TTLL8: variants seen among roughly 807,000 people sequenced by gnomAD.
TTLL8 encodes tubulin tyrosine ligase like 8, also known as protein monoglycylase TTLL8.
In TTLL8, 65 loss-of-function variants were observed where a neutral mutation model predicts 77.8. That is an observed-to-expected ratio of 0.84 (90% CI 0.68 to 1.03). TTLL8 has a LOEUF of 1.03. Among genes scored for constraint, TTLL8 ranks in the 50% least tolerant of loss-of-function variants. The pLI is 0.00. For synonymous variants in TTLL8, 402 were observed against 422.8 expected (o/e 0.95, Z 0.60); for missense variants, 910 against 1,004.5 (o/e 0.91, Z 1.27).
intron 12 of TTLL8, among the ~76,000 whole-genome samples, chr22:50,023,406 T>C (rs2061215176): frequency 6.6e-6 from 1 of 152,156 alleles, no homozygotes; most frequent in South Asian, 2.1e-4. Context: ...AACATGAGGC[T>C]GGGCACGGTG....
chr22:50,023,093 G>A (rs188458340), intron 12 of TTLL8, among the ~76,000 whole-genome samples: 13 of 152,068 alleles, frequency 8.5e-5, no homozygotes, highest in African/African-American at 1.4e-4. Context: ...AGGGCATTTC[G>A]CACATTTTAG....
Position 50,031,026 on chromosome 22 carries a change from C to T in TTLL8, c.1708-101G>A, listed in dbSNP as rs921700014. On this transcript the variant is annotated intron_variant, in intron 11 of 13. Transcript: ENST00000266182. ...GGAGGGGCTGGTCGGGGCACAGACC[C>T]CCACCTGACTCAGGAGTGAACAGTG... The T allele has an allele frequency of 2.8e-6, 3 of 1,085,194 alleles. No homozygotes were observed. The Admixed American group carries it at 1.0e-4, about 37-fold the overall frequency. 67.2% of individuals were successfully genotyped at this position (1,085,194 alleles called of 1,614,324 possible). A position where few individuals can be genotyped will look rare whatever the true frequency, so the allele number is the denominator to read the frequency against.
At chr22:50,057,556 G>GA (rs1401276358), upstream of TTLL8, among the ~76,000 whole-genome samples, 2 of 101,034 alleles carry the variant, frequency 2.0e-5, no homozygotes, top group African/African-American at 9.6e-5. Flanking sequence ...TGGGTTGGGG[G>GA]TCAGGTCTGG....
At chr22:50,046,025 C>T (rs896825700) in intron 4 of TTLL8, 55 bp from the exon 7 acceptor site, 9 of 1,297,910 alleles carry the variant, frequency 6.9e-6, no homozygotes, top group African/African-American at 1.5e-5. Context: ...AGCTCTGCCT[C>T]GCTCACAAGG....
intron 9 of TTLL8, among the ~76,000 whole-genome samples, chr22:50,033,725 C>A (rs563059477): frequency 6.6e-6 from 1 of 152,322 alleles, no homozygotes; most frequent in Admixed American, 6.5e-5. Flanking sequence ...GGGGCAGGGA[C>A]AGAGACACTT....
intron 12 of TTLL8, among the ~76,000 whole-genome samples, chr22:50,029,330 C>CA (rs2061264371): frequency 3.4e-5 from 3 of 87,868 alleles, no homozygotes; most frequent in Non-Finnish European, 6.7e-5. Context: ...CCCCACACAC[C>CA]CTCGTAAAGA....
upstream of TTLL8, among the ~76,000 whole-genome samples, chr22:50,057,156 CAGGTCT>C: frequency 4.4e-5 from 5 of 114,338 alleles, no homozygotes; most frequent in African/African-American, 1.8e-4. Flanking sequence ...GAGTTGGGGT[CAGGTCT>C]GGGGATGGGA....
chr22:50,055,438 G>A (rs2061465839), upstream of TTLL8: 1 of 664,830 alleles, frequency 1.5e-6, no homozygotes, highest in Non-Finnish European at 2.2e-6. Flanking sequence ...TGGATCACCT[G>A]AGGCCAGGAG....
rs564318685 is a variant in TTLL8 at position 50,045,924 on chromosome 22, GC to G, written c.439del (p.Ala147ProfsTer64). 2.3e-4 allele frequency: 311 copies of G among 1,361,848 alleles called. No homozygotes were observed. The African/African-American group carries it at 4.1e-3, about 18-fold the overall frequency. 84.4% of individuals were successfully genotyped at this position (1,361,848 alleles called of 1,614,324 possible). The stretch of plus-strand genomic sequence containing the variant: ...GCGTGGGAAGAAGGAGTCGGGGTTG[GC>G]CGGGACGTACCAGGGCAGGCTCCGC... On this transcript the variant is annotated frameshift_variant, in exon 5 of 14. Coordinates refer to ENST00000266182, the Ensembl canonical transcript of TTLL8. LOFTEE classifies it high-confidence loss of function.
chr22:50,024,122 AT>A (rs1463303341), intron 12 of TTLL8, among the ~76,000 whole-genome samples: 1 of 152,218 alleles, frequency 6.6e-6, no homozygotes, highest in Non-Finnish European at 1.5e-5. Context: ...AATGTATACT[AT>A]CATATTTGGT....
At chr22:50,026,511 G>A (rs891848292) in intron 12 of TTLL8, among the ~76,000 whole-genome samples, 25 of 151,886 alleles carry the variant, frequency 1.6e-4, no homozygotes, top group African/African-American at 5.8e-4. Context: ...CCGCCATTCT[G>A]CACCGCCGCC....
chr22:50,031,524 G>A, intron 11 of TTLL8, 162 bp downstream of exon 12: 1 of 982,122 alleles, frequency 1.0e-6, no homozygotes, highest in South Asian at 4.7e-5. Context: ...GGGCAGGCCT[G>A]GGCCCTCAGC....
intron 12 of TTLL8, chr22:50,027,689 C>A: frequency 1.0e-6 from 1 of 985,452 alleles, no homozygotes; most frequent in Non-Finnish European, 1.2e-6. Flanking sequence ...GCCTGGTGAC[C>A]CTGTCGCCGC....
exon 12 of TTLL8, chr22:50,030,818 C>G (rs550056414): frequency 2.2e-6 from 3 of 1,348,522 alleles, no homozygotes; most frequent in African/African-American, 3.0e-5. Flanking sequence ...ACAGCGAGGC[C>G]GAGGCCTTGA....
chr22:50,026,144 G>T (rs1300593436), intron 12 of TTLL8, among the ~76,000 whole-genome samples: 2 of 152,186 alleles, frequency 1.3e-5, no homozygotes, highest in African/African-American at 2.4e-5. Flanking sequence ...GTCAGCAGGG[G>T]ACCAGGCGGG....
rs749360232 is a variant in TTLL8, at chr22:50,030,718, C to T, written c.1915G>A (p.Gly639Arg). The T allele has an allele frequency of 3.8e-6, 5 of 1,309,264 alleles. No individual in the cohort carries two copies. The African/African-American group carries it at 6.0e-5, about 16-fold the overall frequency. The allele number at this position is 1,309,264 out of a possible 1,614,324, so 81.1% of individuals were successfully genotyped here. The change falls in exon 12 of 14, where the codon GGA becomes AGA. Residue 639 changes from glycine (G) to arginine (R), a missense_variant. This residue lies in a region of TTLL8 where 776 missense variants were observed against 926.1 expected (regional missense o/e 0.84). Coordinates refer to ENST00000266182, the Ensembl canonical transcript of TTLL8. Reference sequence around the variant, plus strand: ...GGGAGCCCCTTCTCTTCCTTCAGTCCCAAGTCCCGCTGGAGAGCTGGTGAT... The same window carrying T: ...GGGAGCCCCTTCTCTTCCTTCAGTCTCAAGTCCCGCTGGAGAGCTGGTGAT...
Position 50,044,645 on chromosome 22 carries a change from AAC to A in TTLL8, c.643+608_643+609del, listed in dbSNP as rs1021582556. The stretch of plus-strand genomic sequence containing the variant: ...TTTAATGCGCCAATGTTCATCTGTC[AAC>A]AGTCGAAGCGCACTGCTCTGGTGGG... On this transcript the variant is annotated intron_variant, in intron 6 of 13. Transcript: ENST00000266182. This position sits in a 1 kb window ranked among gnomAD's most constrained non-coding sequence, Gnocchi z 4.2. Among the ~76,000 whole-genome samples the A allele has an allele frequency of 6.6e-6, 1 of 152,220 alleles. No homozygotes were observed. The highest frequency in any genetic ancestry group is 1.5e-5 in the Non-Finnish European group (1 of 68,044).
chr22:50,035,295 C>T (rs1182727680), intron 8 of TTLL8, among the ~76,000 whole-genome samples: 3 of 152,134 alleles, frequency 2.0e-5, no homozygotes, highest in Admixed American at 1.3e-4. Flanking sequence ...CTCTCACAGC[C>T]GGCCTGGGCT....
intron 8 of TTLL8, among the ~76,000 whole-genome samples, chr22:50,037,353 A>G (rs1275417495): frequency 6.6e-6 from 1 of 151,820 alleles, no homozygotes; most frequent in Non-Finnish European, 1.5e-5. Context: ...GACTACAGGC[A>G]CGCACCACCG....
Sources: gnomAD v4.1 joint callset for allele counts (sites outside exome capture counted in the v4.1 genomes callset) on GRCh38, gnomAD v4.1.1 for gene constraint, gnomAD v4.1.1 regional missense constraint, Gnocchi (gnomAD v3.1) non-coding constraint, MANE v1.5 for transcripts, NCBI Gene and HGNC (gene_info 2026-07-23, HGNC 2026-07-21) for gene names.